HECW1: variants seen among roughly 807,000 people sequenced by gnomAD.
HECW1 encodes HECT, C2 and WW domain containing E3 ubiquitin protein ligase 1.
Under a neutral mutation model 182.3 loss-of-function variants are expected in HECW1, and 61 were observed. That is an observed-to-expected ratio of 0.33 (90% CI 0.27 to 0.41). The LOEUF is 0.41. Ranked by LOEUF, HECW1 falls within the 10% of genes least tolerant of loss-of-function variation. The pLI, the probability that HECW1 is intolerant of heterozygous loss-of-function variation, is 1.00. For synonymous variants in HECW1, 859 were observed against 832.6 expected (o/e 1.03, Z -0.55); for missense variants, 1,739 against 2,108.9 (o/e 0.82, Z 3.44).
At chr7:43,535,080 A>G (rs1468378351) in intron 24 of HECW1, among the ~76,000 whole-genome samples, 2 of 152,360 alleles carry the variant, frequency 1.3e-5, no homozygotes, top group East Asian at 3.9e-4. Flanking sequence ...ACAGGTCACA[A>G]GATCCAAACC....
intron 6 of HECW1, among the ~76,000 whole-genome samples, chr7:43,380,164 T>A (rs2074486996): frequency 6.6e-6 from 1 of 152,220 alleles, no homozygotes; most frequent in African/African-American, 2.4e-5. Flanking sequence ...GCAATCCCCC[T>A]GCCTCAGCCT....
intron 3 of HECW1, among the ~76,000 whole-genome samples, chr7:43,264,256 C>T (rs1317705412): frequency 2.6e-5 from 4 of 152,172 alleles, no homozygotes; most frequent in Non-Finnish European, 5.9e-5. Context: ...CTTCCCCCAG[C>T]CTCTGGTAAC....
At chr7:43,526,508 G>C (rs1016308504) in intron 24 of HECW1, among the ~76,000 whole-genome samples, 2 of 152,112 alleles carry the variant, frequency 1.3e-5, no homozygotes, top group Non-Finnish European at 2.9e-5. Flanking sequence ...TTTTTAACCT[G>C]ACTCAGATTT....
intron 2 of HECW1, among the ~76,000 whole-genome samples, chr7:43,203,791 G>C (rs934595845): frequency 2.0e-5 from 3 of 152,126 alleles, no homozygotes; most frequent in Admixed American, 6.5e-5. Flanking sequence ...ATTGTGTATT[G>C]TCATCAGTAA....
In HECW1 at chr7:43,550,553, G is replaced by A. The variant is rs2081771044; in HGVS notation, c.4357G>A (p.Val1453Ile). 2.5e-6 allele frequency: 4 copies of A among 1,610,654 alleles called. No individual in the cohort carries two copies. The highest frequency in any genetic ancestry group is 3.4e-6 in the Non-Finnish European group (4 of 1,178,550). The change falls in exon 27 of 30, where the codon GTA (valine) becomes ATA (isoleucine). Residue 1453 changes from valine (V) to isoleucine (I), a missense_variant. This residue lies in a region of HECW1 where 420 missense variants were observed against 595.7 expected (regional missense o/e 0.71). Transcript: ENST00000395891. The part of the protein sequence containing the change: ...MVKWRVERGV[V>I]QQTEALVRGF... ...GAAGTGGCGGGTGGAGCGCGGCGTG[G>A]TACAGCAGACCGAGGCGCTGGTGCG...
chr7:43,127,928 G>C (rs1268612479), intron 2 of HECW1, among the ~76,000 whole-genome samples: 1 of 151,866 alleles, frequency 6.6e-6, no homozygotes, highest in African/African-American at 2.4e-5. Context: ...ACTCAGACTG[G>C]CATGTAGTAG....
intron 12 of HECW1, among the ~76,000 whole-genome samples, chr7:43,454,451 A>G (rs957032933): frequency 1.3e-5 from 2 of 152,218 alleles, no homozygotes; most frequent in African/African-American, 4.8e-5. Context: ...AATCATATGT[A>G]TATACAATTT....
At chr7:43,370,010 G>GA (rs1324770794) in intron 6 of HECW1, among the ~76,000 whole-genome samples, 3 of 152,128 alleles carry the variant, frequency 2.0e-5, no homozygotes, top group Non-Finnish European at 4.4e-5. Flanking sequence ...TTTTAGGGGG[G>GA]AAAAATGCAA....
At chr7:43,346,379 A>T (rs1813690181) in intron 5 of HECW1, among the ~76,000 whole-genome samples, 1 of 151,996 alleles carries the variant, frequency 6.6e-6, no homozygotes, top group Admixed American at 6.6e-5. Context: ...TTTGTTGTAG[A>T]TTCTGGCTAT....
intron 2 of HECW1, among the ~76,000 whole-genome samples, chr7:43,126,891 G>A (rs1786308330): frequency 6.6e-6 from 1 of 152,134 alleles, no homozygotes; most frequent in South Asian, 2.1e-4. Context: ...ATCAATAACT[G>A]TGGTGTGTGT....
chr7:43,518,927 T>C (rs993330990), intron 24 of HECW1, among the ~76,000 whole-genome samples: 4 of 152,202 alleles, frequency 2.6e-5, no homozygotes, highest in Non-Finnish European at 5.9e-5. Context: ...TGAAAGCAAT[T>C]TTATAGCCTT....
At chr7:43,490,545 T>C (rs908903680) in intron 17 of HECW1, among the ~76,000 whole-genome samples, 7 of 152,210 alleles carry the variant, frequency 4.6e-5, no homozygotes, top group African/African-American at 1.7e-4. Flanking sequence ...TGTACTGCAA[T>C]GTGGAAAATC....
intron 7 of HECW1, among the ~76,000 whole-genome samples, chr7:43,398,242 G>C (rs2075295339): frequency 6.6e-6 from 1 of 152,096 alleles, no homozygotes; most frequent in Admixed American, 6.6e-5. Flanking sequence ...AAGCAACAGA[G>C]TGAGACTCCA....
chr7:43,546,156 C>T (rs1264212912), intron 26 of HECW1, among the ~76,000 whole-genome samples: 3 of 147,162 alleles, frequency 2.0e-5, no homozygotes, highest in African/African-American at 7.4e-5. Context: ...GTTCCTCTGG[C>T]GTGGTGTCTG....
chr7:43,200,338 A>C (rs1342554575), intron 2 of HECW1, among the ~76,000 whole-genome samples: 1 of 152,238 alleles, frequency 6.6e-6, no homozygotes, highest in Non-Finnish European at 1.5e-5. Context: ...GTATTTTTAA[A>C]TCTTCTTTTA....
intron 5 of HECW1, among the ~76,000 whole-genome samples, chr7:43,358,486 A>G (rs1280336751): frequency 1.3e-5 from 2 of 152,206 alleles, no homozygotes; most frequent in Non-Finnish European, 2.9e-5. Context: ...GTACAGGCAT[A>G]TCTGAAGTAA....
chr7:43,531,493 A>G (rs766197829), intron 24 of HECW1, among the ~76,000 whole-genome samples: 6 of 152,096 alleles, frequency 3.9e-5, no homozygotes, highest in Non-Finnish European at 7.3e-5. Flanking sequence ...ACACACTGCA[A>G]TTTCCCTCAC....
chr7:43,274,377 G>A (rs1346108193), intron 3 of HECW1: 12 of 649,664 alleles, frequency 1.8e-5, no homozygotes, highest in Non-Finnish European at 2.7e-5. Context: ...AGGTCCCCCT[G>A]CGGGTAAAGA....
At chr7:43,223,235 A>G (rs1002452401) in intron 2 of HECW1, among the ~76,000 whole-genome samples, 1 of 152,134 alleles carries the variant, frequency 6.6e-6, no homozygotes, top group African/African-American at 2.4e-5. Flanking sequence ...TCAGACCACC[A>G]CTATTTCTCA....
Sources: allele counts gnomAD v4.1 joint callset (sites outside exome capture counted in the v4.1 genomes callset), GRCh38; gene constraint gnomAD v4.1.1; regional missense constraint gnomAD v4.1.1; transcripts MANE v1.5; gene names NCBI Gene and HGNC (gene_info 2026-07-23, HGNC 2026-07-21).